Variants in DOCK8 observed in about 807,000 individuals in gnomAD.
DOCK8 encodes the protein dedicator of cytokinesis protein 8.
DOCK8 carries 141 observed loss-of-function variants against 245.6 expected under a neutral mutation model. The observed-to-expected ratio is 0.57, with a 90% CI of 0.50 to 0.66. DOCK8 has a LOEUF of 0.66. Among genes scored for constraint, DOCK8 ranks in the 30% least tolerant of loss-of-function variants. The pLI is 0.00. For synonymous variants in DOCK8, 1,168 were observed against 970.2 expected, an observed-to-expected ratio of 1.20 and a Z score of -3.79; for missense variants, 2,965 against 2,603.4, an observed-to-expected ratio of 1.14 and a Z score of -3.02.
chr9:223,959 C>T (rs2046936619), intron 1 of DOCK8, among the ~76,000 whole-genome samples: 1 of 152,090 alleles, frequency 6.6e-6, no homozygotes, highest in African/African-American at 2.4e-5. Context: ...AAGTCATTAG[C>T]ACTCAAGCAA....
chr9:262,041 G>A (rs965913574), intron 1 of DOCK8, among the ~76,000 whole-genome samples: 52 of 98,046 alleles, frequency 5.3e-4, no homozygotes, highest in South Asian at 9.4e-4. Flanking sequence ...GAAAGACACC[G>A]CGATTTACCT....
At chr9:297,770 G>C (rs2049327759) in intron 4 of DOCK8, among the ~76,000 whole-genome samples, 1 of 152,184 alleles carries the variant, frequency 6.6e-6, no homozygotes, top group Admixed American at 6.5e-5. Flanking sequence ...GGAGCTTTGA[G>C]ACTTTCTGAG....
chr9:402,406 T>A (rs1014647764), intron 26 of DOCK8, among the ~76,000 whole-genome samples: 3 of 150,700 alleles, frequency 2.0e-5, no homozygotes, highest in Admixed American at 6.7e-5. Flanking sequence ...AGGCATTCAT[T>A]TCCTCATCTG....
At chr9:396,367 G>C (rs897937186) in intron 24 of DOCK8, among the ~76,000 whole-genome samples, 2 of 152,186 alleles carry the variant, frequency 1.3e-5, no homozygotes, top group African/African-American at 4.8e-5. Context: ...GAACAGAAAA[G>C]ACTTTAGTTC....
At chr9:374,465 T>TA (rs2053436495) in intron 18 of DOCK8, among the ~76,000 whole-genome samples, 1 of 142,908 alleles carries the variant, frequency 7.0e-6, no homozygotes, top group East Asian at 2.0e-4. Context: ...TTTTTTTTTT[T>TA]TTTTTTTTTT....
chr9:368,430 G>A (rs2131185880), intron 15 of DOCK8: 2 of 620,642 alleles, frequency 3.2e-6, no homozygotes, highest in South Asian at 1.9e-5. Flanking sequence ...CCACTCTAAA[G>A]GCATACAAAG....
chr9:322,434 A>C (rs1436799387), intron 7 of DOCK8, among the ~76,000 whole-genome samples: 2 of 151,434 alleles, frequency 1.3e-5, no homozygotes, highest in Non-Finnish European at 2.9e-5. Flanking sequence ...GAAAAAGCCC[A>C]GGTTCTGTGA....
chr9:388,120 C>T (rs917541942), intron 23 of DOCK8, among the ~76,000 whole-genome samples: 1 of 152,152 alleles, frequency 6.6e-6, no homozygotes, highest in African/African-American at 2.4e-5. Flanking sequence ...GACAAACTGA[C>T]CTATTTTCTA....
chr9:386,248 G>T, intron 22 of DOCK8, 83 bp from the exon 23 acceptor site: 10 of 1,167,204 alleles, frequency 8.6e-6, no homozygotes, highest in Non-Finnish European at 1.3e-5. Context: ...ATAAAAAAAT[G>T]AATTCTGAGG....
chr9:376,392 C>G, intron 19 of DOCK8, 87 bp downstream of exon 19: 1 of 961,262 alleles, frequency 1.0e-6, no homozygotes, highest in Non-Finnish European at 1.7e-6. Context: ...AGTGAAAATC[C>G]TTGTCTACAG....
intron 20 of DOCK8, among the ~76,000 whole-genome samples, chr9:377,793 C>T (rs764452028): frequency 3.3e-5 from 5 of 152,204 alleles, no homozygotes; most frequent in Non-Finnish European, 4.4e-5. Context: ...CATCCGTTCT[C>T]TCTTACAGTC....
chr9:403,052 G>C (rs761143943), intron 26 of DOCK8, among the ~76,000 whole-genome samples: 1 of 151,992 alleles, frequency 6.6e-6, no homozygotes, highest in Non-Finnish European at 1.5e-5. Flanking sequence ...ACCACTCCCC[G>C]CTAATTTTTG....
chr9:317,139 A>T lies in DOCK8; in HGVS notation c.827+11A>T, dbSNP rs767896973. On this transcript the variant is annotated intron_variant, in intron 7 of 47. Coordinates refer to ENST00000432829, the MANE Select transcript of DOCK8 (RefSeq NM_203447.4). ...GTTGCTGACCTTGAAGTAAGTATCA[A>T]CAAACACACTGCCACCGCTTTGAGA... The T allele has an allele frequency of 6.3e-7, 1 of 1,584,910 alleles. No individual in the cohort carries two copies. Among genetic ancestry groups the T allele is most frequent in the Admixed American group, 1.7e-5 (1 of 59,960 alleles).
chr9:392,640 T>C (rs1245780358), intron 24 of DOCK8, among the ~76,000 whole-genome samples: 2 of 152,174 alleles, frequency 1.3e-5, no homozygotes, highest in South Asian at 4.1e-4. Context: ...TTTTGGAATT[T>C]GTACTCAGAC....
At chr9:345,317 T>G (rs918160275) in intron 14 of DOCK8, among the ~76,000 whole-genome samples, 5 of 152,192 alleles carry the variant, frequency 3.3e-5, no homozygotes, top group African/African-American at 1.2e-4. Context: ...TGGCTTGGCT[T>G]ATAAAAAGTT....
intron 1 of DOCK8, among the ~76,000 whole-genome samples, chr9:216,538 A>C (rs1175901230): frequency 0.01 from 182 of 17,678 alleles, no homozygotes; most frequent in African/African-American, 0.055. Flanking sequence ...AAAAACAGAC[A>C]AAAAAAAAAA....
At chr9:364,641 GA>G (rs34033459) in intron 14 of DOCK8, among the ~76,000 whole-genome samples, 26,177 of 84,512 alleles carry the variant, frequency 0.31, 2,399 homozygotes, top group Middle Eastern at 0.41. Flanking sequence ...CTCAAAAATT[GA>G]AAAAAAAAAA....
At chr9:338,815 G>A (rs957409152) in intron 12 of DOCK8, among the ~76,000 whole-genome samples, 191 bp from the exon 13 acceptor site, 2 of 152,200 alleles carry the variant, frequency 1.3e-5, no homozygotes, top group African/African-American at 4.8e-5. Context: ...CCGAGGCACA[G>A]TGAGTCACAG....
At chr9:399,312 T>G in intron 26 of DOCK8, 53 bp downstream of exon 26, 1 of 1,183,332 alleles carries the variant, frequency 8.5e-7, no homozygotes, top group Non-Finnish European at 1.2e-6. Context: ...TTCCTTCTCA[T>G]ATAATGTGAT....
Sources: allele counts gnomAD v4.1 joint callset (sites outside exome capture counted in the v4.1 genomes callset), GRCh38; gene constraint gnomAD v4.1.1; transcripts MANE v1.5; gene names NCBI Gene and HGNC (gene_info 2026-07-23, HGNC 2026-07-21).